HSF2BP: variants seen among roughly 807,000 people sequenced by gnomAD.
The protein encoded by HSF2BP is heat shock transcription factor 2 binding protein, also known as heat shock factor 2-binding protein.
In HSF2BP, 35 loss-of-function variants were observed where a neutral mutation model predicts 35.0. The ratio of observed to expected loss-of-function variants is 1.00; its 90% CI spans 0.76 to 1.32. HSF2BP has a LOEUF of 1.32. HSF2BP is among the 40% of genes most tolerant of loss of function. The pLI is 0.00. For synonymous variants in HSF2BP, 114 were observed against 117.4 expected, an observed-to-expected ratio of 0.97 and a Z score of 0.18; for missense variants, 326 against 321.7, an observed-to-expected ratio of 1.01 and a Z score of -0.10.
rs115113940 is a variant in HSF2BP, at chr21:43,574,950, C to T, written c.796+17275G>A. On this transcript the variant is annotated intron_variant, in intron 8 of 8. Coordinates refer to ENST00000291560, the MANE Select transcript of HSF2BP (RefSeq NM_007031.2). Reference sequence around the variant, plus strand: ...ACACAGCTCAGGGCCTCAGGCTCTGCTTCCTTCCACTCCCAGGCCTGACAG... The same window carrying T: ...ACACAGCTCAGGGCCTCAGGCTCTGTTTCCTTCCACTCCCAGGCCTGACAG... Among the ~76,000 whole-genome samples the T allele has an allele frequency of 2.1e-3, 313 of 152,318 alleles. 2 individuals are homozygous for T. Among genetic ancestry groups the T allele is most frequent in the African/African-American group, 6.9e-3 (288 of 41,572 alleles).
intron 8 of HSF2BP, among the ~76,000 whole-genome samples, chr21:43,585,382 G>T (rs2146745684): frequency 6.6e-6 from 1 of 152,270 alleles, no homozygotes. Flanking sequence ...GGTGGTCAGG[G>T]ATTTTTCCAT....
chr21:43,650,854 C>T (rs915126865), intron 3 of HSF2BP, among the ~76,000 whole-genome samples: 2 of 151,924 alleles, frequency 1.3e-5, no homozygotes, highest in Non-Finnish European at 2.9e-5. Flanking sequence ...ATTACAGGTA[C>T]ATGCCATCAC....
chr21:43,644,358 C>T lies in HSF2BP; in HGVS notation c.222G>A (p.Leu74=), dbSNP rs774528331. The change falls in exon 4 of 9, where the codon CTG becomes CTA. Residue 74 remains leucine (L), a synonymous_variant. Coordinates refer to ENST00000291560, the MANE Select transcript of HSF2BP (RefSeq NM_007031.2). The part of the protein sequence containing the change: ...LERKEQELEQ[L]KMDCEHFKAR... ...CTTTAAAGTGCTCACAATCCATTTT[C>T]AGCTGCTCTAATTCTTGCTCTTTCC... 4.3e-5 allele frequency: 69 copies of T among 1,614,020 alleles called. No individual in the cohort carries two copies. Among genetic ancestry groups the T allele is most frequent in the Non-Finnish European group, 5.3e-5 (63 of 1,179,976 alleles).
At chr21:43,581,811 G>A (rs1237369903) in intron 8 of HSF2BP, among the ~76,000 whole-genome samples, 2 of 95,362 alleles carry the variant, frequency 2.1e-5, no homozygotes, top group Admixed American at 1.2e-4. Flanking sequence ...TGGTCAGAAG[G>A]GTCTGTGCTG....
intron 5 of HSF2BP, among the ~76,000 whole-genome samples, chr21:43,632,986 T>C (rs1055861104): frequency 4.1e-4 from 63 of 152,132 alleles, no homozygotes; most frequent in African/African-American, 1.4e-3. Flanking sequence ...ATAATATATA[T>C]AAAAGCACTT....
At chr21:43,574,843 G>A (rs1365825911) in intron 8 of HSF2BP, among the ~76,000 whole-genome samples, 2 of 152,184 alleles carry the variant, frequency 1.3e-5, no homozygotes, top group African/African-American at 4.8e-5. Flanking sequence ...TTGGGACGGG[G>A]GTGCCGTCAA....
chr21:43,581,668 T>C (rs780682215), intron 8 of HSF2BP, among the ~76,000 whole-genome samples: 3 of 152,122 alleles, frequency 2.0e-5, no homozygotes, highest in Non-Finnish European at 4.4e-5. Flanking sequence ...AAAAAAACAC[T>C]GTTCTTCAGC....
chr21:43,620,591 A>T (rs1336798287), intron 6 of HSF2BP, among the ~76,000 whole-genome samples: 1 of 152,178 alleles, frequency 6.6e-6, no homozygotes, highest in African/African-American at 2.4e-5. Flanking sequence ...CCTACTCAGG[A>T]GGCTGAGGTG....
intron 3 of HSF2BP, among the ~76,000 whole-genome samples, chr21:43,656,314 T>C (rs548658883): frequency 1.3e-5 from 2 of 152,320 alleles, no homozygotes; most frequent in South Asian, 4.1e-4. Flanking sequence ...TTTTCAGTTA[T>C]CAAAAGTATA....
chr21:43,620,705 A>ACATCATCAT (rs536672707), intron 6 of HSF2BP, among the ~76,000 whole-genome samples: 5,857 of 151,662 alleles, frequency 0.039, 394 homozygotes, highest in African/African-American at 0.13. Flanking sequence ...TAAAAAATCA[A>ACATCATCAT]CATCATCATC....
chr21:43,613,014 G>T (rs907991656), intron 7 of HSF2BP, among the ~76,000 whole-genome samples: 2 of 152,202 alleles, frequency 1.3e-5, no homozygotes, highest in African/African-American at 4.8e-5. Flanking sequence ...GCTGACTCAA[G>T]AGTTAATCAA....
At chr21:43,649,242 G>A (rs961824830) in intron 3 of HSF2BP, among the ~76,000 whole-genome samples, 1 of 151,200 alleles carries the variant, frequency 6.6e-6, no homozygotes, top group Non-Finnish European at 1.5e-5. Context: ...TCAGTTTGGG[G>A]TTTTTTTTAT....
chr21:43,648,624 G>A (rs2080181323), intron 3 of HSF2BP, among the ~76,000 whole-genome samples: 1 of 152,098 alleles, frequency 6.6e-6, no homozygotes, highest in Non-Finnish European at 1.5e-5. Flanking sequence ...CTTTTATCTG[G>A]GCCACAATAA....
intron 8 of HSF2BP, among the ~76,000 whole-genome samples, chr21:43,581,959 AGATGAGGGCCTGCTGTGGGG>A (rs2081745669): frequency 3.9e-5 from 3 of 77,084 alleles, no homozygotes; most frequent in Non-Finnish European, 4.8e-5. Flanking sequence ...CTGCTGTGGG[AGATGAGGGCCTGCTGTGGGG>A]GATGAGGGCC....
intron 2 of HSF2BP, 107 bp from the exon 3 acceptor site, chr21:43,656,844 C>T: frequency 1.2e-6 from 1 of 859,424 alleles, no homozygotes; most frequent in Non-Finnish European, 1.9e-6. Flanking sequence ...ATCGTTGTTT[C>T]AAATCATGTC....
At chr21:43,604,142 A>C (rs1213618060) in intron 7 of HSF2BP, among the ~76,000 whole-genome samples, 1 of 151,944 alleles carries the variant, frequency 6.6e-6, no homozygotes, top group African/African-American at 2.4e-5. Context: ...GGAGCAAGAA[A>C]TGACAGGCAA....
intron 4 of HSF2BP, among the ~76,000 whole-genome samples, chr21:43,643,794 T>C (rs1164761805): frequency 1.3e-5 from 2 of 151,984 alleles, no homozygotes; most frequent in Non-Finnish European, 2.9e-5. Context: ...CCGTCTCTAC[T>C]AAAAATACAA....
chr21:43,581,069 G>T (rs1297462946), intron 8 of HSF2BP, among the ~76,000 whole-genome samples: 2 of 152,186 alleles, frequency 1.3e-5, no homozygotes, highest in African/African-American at 4.8e-5. Flanking sequence ...AGGGAAGGAA[G>T]ATGATGCTTA....
intron 3 of HSF2BP, among the ~76,000 whole-genome samples, chr21:43,647,224 T>C (rs1184506470): frequency 6.6e-6 from 1 of 152,078 alleles, no homozygotes; most frequent in African/African-American, 2.4e-5. Context: ...TAAACATCTA[T>C]GTATCTTCTG....
Sources: gnomAD v4.1 joint callset for allele counts (sites outside exome capture counted in the v4.1 genomes callset) on GRCh38, gnomAD v4.1.1 for gene constraint, MANE v1.5 for transcripts, NCBI Gene and HGNC (gene_info 2026-07-23, HGNC 2026-07-21) for gene names.